The following HYCC2 variants were observed in gnomAD, a reference collection of about 807,000 sequenced individuals.
HYCC2 encodes the protein hyccin 2.
the HYCC2 span, chr2:200,981,898 G>T: frequency 2.6e-6 from 4 of 1,561,578 alleles, no homozygotes; most frequent in Non-Finnish European, 3.5e-6. This position sits in a 1 kb window ranked among gnomAD's most constrained non-coding sequence, Gnocchi z 4.5. Context: ...GACAGACTCA[G>T]CAATAGCTAA....
At chr2:201,011,203 G>T in the HYCC2 span, among the ~76,000 whole-genome samples, 1 of 151,786 alleles carries the variant, frequency 6.6e-6, no homozygotes, top group Non-Finnish European at 1.5e-5. Context: ...AAAAACAAAA[G>T]AACTAAAGAA....
chr2:201,070,272 C>G, the HYCC2 span, among the ~76,000 whole-genome samples: 1 of 151,786 alleles, frequency 6.6e-6, no homozygotes, highest in Non-Finnish European at 1.5e-5. Flanking sequence ...TGCCTCTGTC[C>G]GAGAGGTTCA....
At chr2:201,049,284 A>C in the HYCC2 span, among the ~76,000 whole-genome samples, 1 of 152,208 alleles carries the variant, frequency 6.6e-6, no homozygotes, top group Non-Finnish European at 1.5e-5. Flanking sequence ...TGCAATTAAC[A>C]ACCAACCAAA....
chr2:200,985,467 C>T, the HYCC2 span, among the ~76,000 whole-genome samples: 6 of 152,006 alleles, frequency 3.9e-5, no homozygotes, highest in South Asian at 2.1e-4. Context: ...TTGAGACCAG[C>T]CTAGACAACA....
the HYCC2 span, among the ~76,000 whole-genome samples, chr2:201,025,703 T>G: frequency 2.0e-5 from 3 of 152,164 alleles, no homozygotes; most frequent in South Asian, 4.2e-4. Flanking sequence ...CCAAGTGGTT[T>G]GGAGTACAGG....
At chr2:201,038,455 G>A in the HYCC2 span, among the ~76,000 whole-genome samples, 1 of 152,104 alleles carries the variant, frequency 6.6e-6, no homozygotes, top group African/African-American at 2.4e-5. Flanking sequence ...TATGTTTACT[G>A]CGGCACTATT....
chr2:201,067,520 C>T, the HYCC2 span, among the ~76,000 whole-genome samples: 27 of 152,206 alleles, frequency 1.8e-4, no homozygotes, highest in Middle Eastern at 3.4e-3. Context: ...AGTTTTTATG[C>T]TTTTCTCTAA....
chr2:200,988,173 T>A, the HYCC2 span: 1 of 1,082,848 alleles, frequency 9.2e-7, no homozygotes, highest in Non-Finnish European at 1.3e-6. Context: ...TTATACAGGG[T>A]CTTTTAATAT....
the HYCC2 span, among the ~76,000 whole-genome samples, chr2:201,028,452 G>GA: frequency 1.6e-3 from 239 of 151,976 alleles, no homozygotes; most frequent in African/African-American, 4.6e-3. Context: ...CACAGAATTG[G>GA]AAAAAAACTA....
chr2:201,011,446 A>G, the HYCC2 span: 1 of 1,582,834 alleles, frequency 6.3e-7, no homozygotes, highest in Non-Finnish European at 8.6e-7. Context: ...ACAGAACTTT[A>G]TTGTTCCCAT....
the HYCC2 span, among the ~76,000 whole-genome samples, chr2:201,016,735 G>A: frequency 7.2e-5 from 11 of 151,802 alleles, no homozygotes; most frequent in Admixed American, 6.6e-4. Flanking sequence ...AGGTAGCTGG[G>A]ATTACAGGAA....
chr2:200,988,379 C>G, the HYCC2 span: 26 of 1,613,114 alleles, frequency 1.6e-5, no homozygotes, highest in South Asian at 2.9e-4. Flanking sequence ...TGTGTAGAAT[C>G]AGGAGCATCA....
chr2:201,040,031 A>G, the HYCC2 span, among the ~76,000 whole-genome samples: 1 of 152,036 alleles, frequency 6.6e-6, no homozygotes, highest in Admixed American at 6.6e-5. Context: ...ACAATTAGCC[A>G]GGCGTGGTGG....
the HYCC2 span, chr2:200,977,858 T>C: frequency 2.0e-5 from 3 of 152,120 alleles, no homozygotes; most frequent in African/African-American, 4.8e-5. Flanking sequence ...TTTCAAAAAA[T>C]TCAAATCTTC....
the HYCC2 span, chr2:200,992,388 T>G: frequency 1.4e-5 from 20 of 1,458,340 alleles, no homozygotes; most frequent in Non-Finnish European, 1.7e-5. Flanking sequence ...AGCAGATCAT[T>G]TATACTCTTG....
chr2:201,014,256 A>G, the HYCC2 span, among the ~76,000 whole-genome samples: 1 of 152,208 alleles, frequency 6.6e-6, no homozygotes, highest in Non-Finnish European at 1.5e-5. Context: ...CTAAAACACC[A>G]AATTCCATTA....
the HYCC2 span, among the ~76,000 whole-genome samples, chr2:201,070,319 T>G: frequency 3.9e-5 from 6 of 152,204 alleles, no homozygotes; most frequent in African/African-American, 1.4e-4. Flanking sequence ...AATTCATAAG[T>G]AGCTTCTCAG....
the HYCC2 span, chr2:200,982,006 A>T: frequency 3.6e-6 from 3 of 831,402 alleles, no homozygotes; most frequent in East Asian, 2.8e-5. Flanking sequence ...CACTTCCCCT[A>T]AATAATTTAG....
the HYCC2 span, among the ~76,000 whole-genome samples, chr2:201,053,223 A>C: frequency 6.6e-6 from 1 of 152,050 alleles, no homozygotes; most frequent in African/African-American, 2.4e-5. Flanking sequence ...CCTGGGTTCA[A>C]GTGATTCTCC....
Sources: gnomAD v4.1 joint callset for allele counts (sites outside exome capture counted in the v4.1 genomes callset) on GRCh38, gnomAD v4.1.1 for gene constraint, Gnocchi (gnomAD v3.1) non-coding constraint, MANE v1.5 for transcripts, NCBI Gene and HGNC (gene_info 2026-07-23, HGNC 2026-07-21) for gene names.